Variants in TSPAN9 observed in about 807,000 individuals in gnomAD.
TSPAN9 encodes tetraspanin-9.
In TSPAN9, 16 loss-of-function variants were observed where a neutral mutation model predicts 31.0. That is an observed-to-expected ratio of 0.52 (90% CI 0.35 to 0.78). TSPAN9 has a LOEUF of 0.78. Ranked by LOEUF, TSPAN9 falls within the 30% of genes least tolerant of loss-of-function variation. The pLI is 0.01. For missense variants in TSPAN9, 272 were observed against 312.5 expected, an observed-to-expected ratio of 0.87 and a Z score of 0.98; for synonymous variants, 145 against 121.6, an observed-to-expected ratio of 1.19 and a Z score of -1.27.
chr12:3,165,229 A>C (rs2098347672), intron 2 of TSPAN9, among the ~76,000 whole-genome samples: 1 of 151,962 alleles, frequency 6.6e-6, no homozygotes, highest in Non-Finnish European at 1.5e-5. Flanking sequence ...AGGTCTTTGG[A>C]CCTGAGTCCT....
chr12:3,111,562 AAC>A (rs2098318694), intron 2 of TSPAN9, among the ~76,000 whole-genome samples: 1 of 152,234 alleles, frequency 6.6e-6, no homozygotes, highest in African/African-American at 2.4e-5. Context: ...AATAGATACT[AAC>A]ACAAAAAATG....
chr12:3,105,784 A>G (rs1349919688), intron 2 of TSPAN9, among the ~76,000 whole-genome samples: 1 of 148,916 alleles, frequency 6.7e-6, no homozygotes, highest in East Asian at 2.0e-4. Context: ...ACACACGCTC[A>G]TACACACTCA....
chr12:3,155,543 G>A (rs1318947439), intron 2 of TSPAN9, among the ~76,000 whole-genome samples: 1 of 151,826 alleles, frequency 6.6e-6, no homozygotes, highest in African/African-American at 2.4e-5. Flanking sequence ...AGGCTGCAGT[G>A]AACCATGATT....
intron 1 of TSPAN9, among the ~76,000 whole-genome samples, chr12:3,081,574 G>A (rs1158573032): frequency 6.6e-6 from 1 of 152,004 alleles, no homozygotes; most frequent in Non-Finnish European, 1.5e-5. Flanking sequence ...GGGAACCCCG[G>A]TGGCATTTTC....
intron 3 of TSPAN9, among the ~76,000 whole-genome samples, chr12:3,268,709 C>T (rs76013798): frequency 0.34 from 17,073 of 50,162 alleles, 1,985 homozygotes; most frequent in East Asian, 0.43. Context: ...GCCCTCCGTG[C>T]GTTCCTGCAG....
At chr12:3,080,123 C>A (rs1468384539) in intron 1 of TSPAN9, among the ~76,000 whole-genome samples, 2 of 152,046 alleles carry the variant, frequency 1.3e-5, no homozygotes, top group South Asian at 4.2e-4. Flanking sequence ...CTTCACCTGG[C>A]ACCACCTATT....
intron 3 of TSPAN9, among the ~76,000 whole-genome samples, chr12:3,230,305 TC>T (rs2078545859): frequency 6.6e-6 from 1 of 152,140 alleles, no homozygotes; most frequent in African/African-American, 2.4e-5. Flanking sequence ...TTCCAGGACT[TC>T]CTGGTGTTCA....
intron 3 of TSPAN9, among the ~76,000 whole-genome samples, chr12:3,225,017 T>C (rs2098386444): frequency 2.0e-5 from 3 of 152,170 alleles, no homozygotes; most frequent in Non-Finnish European, 2.9e-5. Flanking sequence ...CAGCTGGTGG[T>C]GGGCACCTTT....
At chr12:3,281,110 C>T in intron 6 of TSPAN9, 88 bp from the exon 7 acceptor site, 3 of 1,528,398 alleles carry the variant, frequency 2.0e-6, no homozygotes, top group Non-Finnish European at 2.6e-6. Flanking sequence ...TTTGCGGGGA[C>T]TGGGGTTGGC....
At chr12:3,138,151 C>T (rs1186964483) in intron 2 of TSPAN9, among the ~76,000 whole-genome samples, 2 of 152,120 alleles carry the variant, frequency 1.3e-5, no homozygotes, top group African/African-American at 4.8e-5. Flanking sequence ...GAGGGCTCTG[C>T]CCGTGGGTTT....
At chr12:3,089,227 A>G (rs1334426468) in intron 2 of TSPAN9, among the ~76,000 whole-genome samples, 22 of 148,228 alleles carry the variant, frequency 1.5e-4, no homozygotes, top group Admixed American at 6.1e-4. Context: ...GCGAGACTCC[A>G]TCTCAAAAAA....
intron 2 of TSPAN9, among the ~76,000 whole-genome samples, chr12:3,166,528 A>T (rs1176429919): frequency 6.6e-6 from 1 of 152,252 alleles, no homozygotes; most frequent in Non-Finnish European, 1.5e-5. Context: ...TTGTCCTTTT[A>T]TATGAAAGGG....
chr12:3,159,799 A>G lies in TSPAN9; in HGVS notation c.-17-41378A>G, dbSNP rs372415884. 3.3e-5 allele frequency among the ~76,000 whole-genome samples: 5 copies of G among 152,342 alleles called. No individual in the cohort carries two copies. In the East Asian group the frequency reaches 7.7e-4, roughly 23 times the overall value. On this transcript the variant is annotated intron_variant, in intron 2 of 8. Coordinates refer to ENST00000011898, the MANE Select transcript of TSPAN9 (RefSeq NM_006675.5). The stretch of plus-strand genomic sequence containing the variant: ...ACGTAGGGAGAAGACGGCTATCTAC[A>G]AGCCAAGAACAGAGAAAATGGAAGA...
At chr12:3,229,327 CA>C (rs769809012) in intron 3 of TSPAN9, among the ~76,000 whole-genome samples, 2 of 152,226 alleles carry the variant, frequency 1.3e-5, no homozygotes. Flanking sequence ...GTCTCAACCT[CA>C]TTGGTCTCGT....
chr12:3,207,622 G>T (rs1018385948), intron 3 of TSPAN9, among the ~76,000 whole-genome samples: 2 of 152,212 alleles, frequency 1.3e-5, no homozygotes, highest in African/African-American at 2.4e-5. Flanking sequence ...TTCAGGTGGG[G>T]TCTACCTCCT....
chr12:3,078,629 C>T (rs7959886), intron 1 of TSPAN9, among the ~76,000 whole-genome samples: 1,539 of 152,258 alleles, frequency 0.01, 20 homozygotes, highest in African/African-American at 0.035. Flanking sequence ...ACACCGGCTT[C>T]CTACCCTCGG....
chr12:3,108,821 A>G (rs1275858723), intron 2 of TSPAN9, among the ~76,000 whole-genome samples: 2 of 152,052 alleles, frequency 1.3e-5, no homozygotes, highest in African/African-American at 2.4e-5. Context: ...AATTTCAAGA[A>G]ATTTTGTTTT....
At chr12:3,091,471 A>T (rs1297937905) in intron 2 of TSPAN9, among the ~76,000 whole-genome samples, 1 of 152,196 alleles carries the variant, frequency 6.6e-6, no homozygotes, top group Non-Finnish European at 1.5e-5. Context: ...TGGGTCATTA[A>T]TGCATCCCCA....
intron 2 of TSPAN9, among the ~76,000 whole-genome samples, chr12:3,113,215 G>A (rs2098320127): frequency 6.6e-6 from 1 of 152,190 alleles, no homozygotes; most frequent in Admixed American, 6.5e-5. Flanking sequence ...GTGGAGAAAG[G>A]GATGGGGTAA....
Sources: gnomAD v4.1 joint callset for allele counts (sites outside exome capture counted in the v4.1 genomes callset) on GRCh38, gnomAD v4.1.1 for gene constraint, MANE v1.5 for transcripts, NCBI Gene and HGNC (gene_info 2026-07-23, HGNC 2026-07-21) for gene names.